TRPM7: variants seen among roughly 807,000 people sequenced by gnomAD.
The protein encoded by TRPM7 is transient receptor potential cation channel subfamily M member 7, also known as LTRPC ion channel family member 7.
Under a neutral mutation model 229.7 loss-of-function variants are expected in TRPM7, and 134 were observed. The ratio of observed to expected loss-of-function variants is 0.58; its 90% CI spans 0.51 to 0.67. TRPM7 has a LOEUF of 0.67. TRPM7 is among the 30% of genes least tolerant of loss of function. TRPM7 has a pLI of 0.00. For missense variants in TRPM7, 1,901 were observed against 2,210.0 expected, an observed-to-expected ratio of 0.86 and a Z score of 2.80; for synonymous variants, 699 against 715.2, an observed-to-expected ratio of 0.98 and a Z score of 0.36.
intron 16 of TRPM7, 121 bp downstream of exon 16, chr15:50,612,428 T>C (rs1169340151): frequency 1.7e-5 from 12 of 692,512 alleles, no homozygotes; most frequent in African/African-American, 5.6e-5. Flanking sequence ...TTCTGTCAAT[T>C]GTACCAATAA....
rs757100971 is a variant in TRPM7 at position 50,657,786 on chromosome 15, G to A, written c.117C>T (p.Leu39=). Reference sequence around the variant, plus strand: ...TATAGTTATGTTAAACTTACCTGACGAGTTGCTGACAAATTTGACATCCTG... The same window carrying A: ...TATAGTTATGTTAAACTTACCTGACAAGTTGCTGACAAATTTGACATCCTG... ...CLPGCQICQQ[L]VRCFCGRLVK... Residue 39 remains leucine, a synonymous_variant, in exon 3 of 39, where the codon CTC becomes CTT. Coordinates refer to ENST00000646667, the MANE Select transcript of TRPM7 (RefSeq NM_017672.6). The A allele has an allele frequency of 8.7e-6, 14 of 1,610,670 alleles. No homozygotes were observed. The highest frequency in any genetic ancestry group is 6.6e-5 in the South Asian group (6 of 90,520).
intron 3 of TRPM7, among the ~76,000 whole-genome samples, chr15:50,650,305 C>A (rs55996689): frequency 0.02 from 3,062 of 150,998 alleles, 120 homozygotes; most frequent in African/African-American, 0.071. Flanking sequence ...GCAGGGAACA[C>A]TTTATGTTCC....
intron 19 of TRPM7, 50 bp downstream of exon 19, chr15:50,609,531 C>T (rs2060008203): frequency 6.5e-7 from 1 of 1,538,618 alleles, no homozygotes; most frequent in Non-Finnish European, 8.8e-7. Flanking sequence ...CAATGGTCCC[C>T]CAAAGCCTAA....
chr15:50,620,728 C>T (rs1389754305), intron 12 of TRPM7, among the ~76,000 whole-genome samples: 2 of 151,998 alleles, frequency 1.3e-5, no homozygotes, highest in East Asian at 1.9e-4. Context: ...GTCAGGAGTT[C>T]GAGACCAGCC....
chr15:50,633,873 G>C (rs2060808136), intron 8 of TRPM7, among the ~76,000 whole-genome samples: 1 of 152,068 alleles, frequency 6.6e-6, no homozygotes, highest in Non-Finnish European at 1.5e-5. Flanking sequence ...CCATGAAGAT[G>C]GTTTTATTTT....
At chr15:50,599,914 A>G (rs3848130) in intron 21 of TRPM7, among the ~76,000 whole-genome samples, 53,130 of 152,112 alleles carry the variant, frequency 0.35, 10,477 homozygotes, top group Admixed American at 0.48. Flanking sequence ...GTAGTTTGTA[A>G]TTCTTTAATT....
At chr15:50,619,374 C>G (rs570959579) in intron 13 of TRPM7, among the ~76,000 whole-genome samples, 28 of 152,044 alleles carry the variant, frequency 1.8e-4, no homozygotes, top group African/African-American at 6.8e-4. Context: ...GTGTGCACCA[C>G]CATGCCCAGG....
intron 36 of TRPM7, 115 bp from the exon 37 acceptor site, chr15:50,570,270 C>T (rs2053812216): frequency 5.5e-6 from 4 of 725,714 alleles, no homozygotes; most frequent in South Asian, 4.6e-5. Context: ...TCAATCATTA[C>T]AATGTTAAAC....
In TRPM7 at chr15:50,686,555, G is replaced by T. The variant is rs773101036; in HGVS notation, c.-22C>A. On this transcript the variant is annotated 5_prime_UTR_variant, in exon 1 of 39. Coordinates refer to ENST00000646667, the MANE Select transcript of TRPM7 (RefSeq NM_017672.6). ...CCATTCTCCTCACGGGGCGGACTCC[G>T]GAAGGGCAGCAACTCCACCTCCTCC... The T allele has an allele frequency of 6.2e-7, 1 of 1,609,686 alleles. No homozygotes were observed. Among genetic ancestry groups the T allele is most frequent in the Non-Finnish European group, 8.5e-7 (1 of 1,177,600 alleles).
At chr15:50,671,353 C>T (rs765295160) in intron 1 of TRPM7, among the ~76,000 whole-genome samples, 6 of 152,098 alleles carry the variant, frequency 3.9e-5, no homozygotes, top group Non-Finnish European at 7.3e-5. Flanking sequence ...ACATAATGTC[C>T]TCCAGGCCCA....
chr15:50,627,115 G>C (rs760422547), intron 11 of TRPM7, among the ~76,000 whole-genome samples: 15 of 146,530 alleles, frequency 1.0e-4, no homozygotes, highest in Non-Finnish European at 1.5e-4. Context: ...TATTAATTCG[G>C]ACATGTAACA....
In TRPM7 at chr15:50,661,922, A is replaced by G. The variant is rs192191125; in HGVS notation, c.83+1045T>C. ...GTTTTTTTCTATCTTTAGGCCTCAG[A>G]AAAAAGAAAAATTTGCTGGGTGCGG... On this transcript the variant is annotated intron_variant, in intron 2 of 38. Transcript: ENST00000646667. 1.9e-3 allele frequency among the ~76,000 whole-genome samples: 295 copies of G among 152,320 alleles called. 1 individual carries two copies. The highest frequency in any genetic ancestry group is 6.5e-3 in the African/African-American group (271 of 41,570).
At chr15:50,685,156 T>C (rs1184996939) in intron 1 of TRPM7, among the ~76,000 whole-genome samples, 1 of 152,220 alleles carries the variant, frequency 6.6e-6, no homozygotes, top group Admixed American at 6.5e-5. Flanking sequence ...CAATGTATCT[T>C]TGCAAGTTTG....
chr15:50,655,749 G>A (rs751381921), intron 3 of TRPM7, among the ~76,000 whole-genome samples: 23 of 152,174 alleles, frequency 1.5e-4, no homozygotes, highest in Non-Finnish European at 2.9e-4. Context: ...TGGAATTCCA[G>A]CACTTTGGGA....
Position 50,646,664 on chromosome 15 carries a change from A to AT in TRPM7, c.321+2022dup, listed in dbSNP as rs537048668. The stretch of plus-strand genomic sequence containing the variant: ...TTAAAATTCATGCTGACAAGAGCAC[A>AT]TAAGTCTTAAGAGAAATAAGTGCAG... On this transcript the variant is annotated intron_variant, in intron 4 of 38. Transcript: ENST00000646667. 8.3e-4 allele frequency among the ~76,000 whole-genome samples: 127 copies of AT among 152,352 alleles called. 1 individual carries two copies. Among genetic ancestry groups the AT allele is most frequent in the South Asian group, 1.7e-3 (8 of 4,832 alleles).
chr15:50,612,330 T>G (rs188464508), intron 16 of TRPM7, among the ~76,000 whole-genome samples: 7 of 152,302 alleles, frequency 4.6e-5, no homozygotes, highest in Non-Finnish European at 8.8e-5. Context: ...TGCTGAGATA[T>G]TTAATTCTTG....
At chr15:50,656,196 C>T (rs2061565120) in intron 3 of TRPM7, among the ~76,000 whole-genome samples, 1 of 152,072 alleles carries the variant, frequency 6.6e-6, no homozygotes, top group South Asian at 2.1e-4. Flanking sequence ...TTGGCATCGT[C>T]AAACAAGAGA....
intron 38 of TRPM7, among the ~76,000 whole-genome samples, chr15:50,562,489 G>T (rs147821730): frequency 5.3e-5 from 8 of 152,246 alleles, no homozygotes; most frequent in Non-Finnish European, 1.2e-4. Flanking sequence ...TGCCTTGAAG[G>T]CAGGGTGCAG....
chr15:50,661,009 C>G (rs1567104986), intron 2 of TRPM7, among the ~76,000 whole-genome samples: 1 of 149,744 alleles, frequency 6.7e-6, no homozygotes, highest in Non-Finnish European at 1.5e-5. Context: ...GAGTTTCACT[C>G]TTGTTACCCA....
Sources: allele counts gnomAD v4.1 joint callset (sites outside exome capture counted in the v4.1 genomes callset), GRCh38; gene constraint gnomAD v4.1.1; transcripts MANE v1.5; gene names NCBI Gene and HGNC (gene_info 2026-07-23, HGNC 2026-07-21).